BEST3: variants seen among roughly 807,000 people sequenced by gnomAD.
BEST3 encodes the protein bestrophin-3.
Under a neutral mutation model 47.1 loss-of-function variants are expected in BEST3, and 50 were observed. The ratio of observed to expected loss-of-function variants is 1.06; its 90% confidence interval spans 0.85 to 1.34. The LOEUF is 1.34. Among genes scored for constraint, BEST3 ranks in the 40% most tolerant of loss-of-function variants. BEST3 has a pLI of 0.00. For missense variants in BEST3, 765 were observed against 817.0 expected (o/e 0.94, Z 0.78); for synonymous variants, 282 against 298.8 (o/e 0.94, Z 0.58).
At chr12:69,650,423 G>T (rs147761226), downstream of BEST3, among the ~76,000 whole-genome samples, 226 of 152,312 alleles carry the variant, frequency 1.5e-3, 2 homozygotes, top group Non-Finnish European at 1.8e-3. Flanking sequence ...GGACCTATCT[G>T]ACATAGTTCA....
chr12:69,686,779 C>CGAAAAAAAAAAACCA (rs1555208517), intron 4 of BEST3, among the ~76,000 whole-genome samples: 2 of 99,382 alleles, frequency 2.0e-5, no homozygotes, highest in South Asian at 5.7e-4. Context: ...CTCAAAAAAA[C>CGAAAAAAAAAAACCA]AAAAAAAAAA....
intron 5 of BEST3, among the ~76,000 whole-genome samples, chr12:69,678,128 G>C (rs1170629706): frequency 6.6e-6 from 1 of 151,978 alleles, no homozygotes; most frequent in Non-Finnish European, 1.5e-5. Context: ...GGAAGACTAG[G>C]GAAAAGAGTT....
At chr12:69,643,826 C>A in intron 9 of BEST3, 2 of 695,424 alleles carry the variant, frequency 2.9e-6, no homozygotes, top group South Asian at 1.6e-5. Flanking sequence ...TCTTTTCTTT[C>A]TACACGTATA....
In BEST3 at chr12:69,673,087, G is replaced by C; in HGVS notation, c.868-122C>G. ...GTGACTTTCTAATACGAAGAGTAGAGGGGAGTAGATTGTTCTACCGAGATA... is the reference window on the plus strand; with the variant it reads ...GTGACTTTCTAATACGAAGAGTAGACGGGAGTAGATTGTTCTACCGAGATA... On this transcript the variant is annotated intron_variant, in intron 7 of 9. Coordinates refer to ENST00000330891, the MANE Select transcript of BEST3 (RefSeq NM_032735.3). The C allele has an allele frequency of 7.1e-6, 5 of 703,278 alleles. No homozygotes were observed. The East Asian group carries it at 1.3e-4, about 19-fold the overall frequency. 43.6% of individuals were successfully genotyped at this position (703,278 alleles called of 1,614,324 possible).
In BEST3 at chr12:69,655,742, A is replaced by T. The variant is rs1420164913; in HGVS notation, c.1172T>A (p.Met391Lys). 6.2e-7 allele frequency: 1 copy of T among 1,613,680 alleles called. No homozygotes were observed. The highest frequency in any genetic ancestry group is 8.5e-7 in the Non-Finnish European group (1 of 1,179,954). The change falls in exon 10 of 10, where the codon ATG becomes AAG. Residue 391 changes from methionine (M) to lysine (K), a missense_variant. Transcript: ENST00000330891. Reference protein sequence around the residue: ...DYEKHGHRHSMIRRVKRFLSA... With the variant: ...DYEKHGHRHSKIRRVKRFLSA... ...CAGGAACCGCTTGACTCTTCTTATC[A>T]TGGAATGCCGATGGCCATGCTTCTC...
chr12:69,691,416 T>C (rs1287155342), intron 4 of BEST3, among the ~76,000 whole-genome samples: 1 of 152,182 alleles, frequency 6.6e-6, no homozygotes, highest in Non-Finnish European at 1.5e-5. Context: ...CCTTACTCCG[T>C]GTTCTTAATC....
chr12:69,657,359 G>C (rs1034858188), intron 9 of BEST3, among the ~76,000 whole-genome samples: 1 of 152,084 alleles, frequency 6.6e-6, no homozygotes, highest in African/African-American at 2.4e-5. Flanking sequence ...CCCTCCCAAA[G>C]TGCTGGGATT....
intron 4 of BEST3, among the ~76,000 whole-genome samples, chr12:69,679,302 C>T (rs1223944814): frequency 3.9e-5 from 6 of 152,198 alleles, no homozygotes; most frequent in Non-Finnish European, 8.8e-5. Context: ...TGGCATAGTG[C>T]CGAACACATG....
At chr12:69,675,043 G>A (rs59663283) in intron 7 of BEST3, among the ~76,000 whole-genome samples, 47,378 of 150,682 alleles carry the variant, frequency 0.31, 8,618 homozygotes, top group South Asian at 0.54. Context: ...GATTACAGGC[G>A]TGTGCCACCA....
In BEST3 at chr12:69,655,698, AG is replaced by A. The variant is rs1565821267; in HGVS notation, c.1215del (p.Ser406ProfsTer79). 4 of 1,613,628 alleles carry A rather than the reference AG, an allele frequency of 2.5e-6. No homozygotes were observed. The highest frequency in any genetic ancestry group is 3.4e-6 in the Non-Finnish European group (4 of 1,179,914). ...VKRFLSAHEHPSSPRRRSYRR... is the reference protein window; with the variant it reads ...VKRFLSAHEHXSSPRRRSYRR... The stretch of plus-strand genomic sequence containing the variant: ...CTGTAGCTTCTTCTTCTGGGGCTGG[AG>A]GGGTGTTCGTGGGCACTCAGGAACC... On this transcript the variant is annotated frameshift_variant, in exon 10 of 10. Transcript: ENST00000330891. LOFTEE classifies it low-confidence loss of function (END_TRUNC).
At chr12:69,664,280 T>C (rs1884048401) in intron 9 of BEST3, among the ~76,000 whole-genome samples, 1 of 152,222 alleles carries the variant, frequency 6.6e-6, no homozygotes, top group Non-Finnish European at 1.5e-5. Context: ...AGATGAGCTC[T>C]GTTAAAGCTT....
chr12:69,695,620 A>G (rs543878469), intron 2 of BEST3, among the ~76,000 whole-genome samples: 1 of 152,340 alleles, frequency 6.6e-6, no homozygotes, highest in East Asian at 1.9e-4. Flanking sequence ...GACATGGTCA[A>G]AGAGGATTTA....
rs74435881 is a variant in BEST3 at position 69,654,067 on chromosome 12, C to T, written c.*840G>A. 8.8e-3 allele frequency: 8,629 copies of T among 985,402 alleles called. 43 individuals carry two copies. Among genetic ancestry groups the T allele is most frequent in the Middle Eastern group, 0.021 (40 of 1,914 alleles). The allele number at this position is 985,402 out of a possible 1,614,324, so 61.0% of individuals were successfully genotyped here. A position where few individuals can be genotyped will look rare whatever the true frequency, so the allele number is the denominator to read the frequency against. Reference sequence around the variant, plus strand: ...GGGAACCATCACTCCTATATGCCTTCCACTGGAAGTGAGACTGGAAGGGTA... The same window carrying T: ...GGGAACCATCACTCCTATATGCCTTTCACTGGAAGTGAGACTGGAAGGGTA... On this transcript the variant is annotated 3_prime_UTR_variant, in exon 10 of 10. Coordinates refer to ENST00000330891, the MANE Select transcript of BEST3 (RefSeq NM_032735.3).
chr12:69,686,078 A>T (rs1885561282), intron 4 of BEST3, among the ~76,000 whole-genome samples: 1 of 152,054 alleles, frequency 6.6e-6, no homozygotes, highest in African/African-American at 2.4e-5. Context: ...AACAGAGGAA[A>T]AACTGGCACA....
chr12:69,673,342 A>T (rs894942213), intron 7 of BEST3, among the ~76,000 whole-genome samples: 3 of 152,252 alleles, frequency 2.0e-5, no homozygotes, highest in African/African-American at 7.2e-5. Context: ...CAGGGCCCAG[A>T]TGATAAGACA....
intron 7 of BEST3, among the ~76,000 whole-genome samples, chr12:69,674,837 G>T (rs1884800256): frequency 6.7e-6 from 1 of 149,648 alleles, no homozygotes; most frequent in Non-Finnish European, 1.5e-5. Flanking sequence ...TATCCTAATT[G>T]TTGAGATAGA....
chr12:69,654,642 G>T lies in BEST3; in HGVS notation c.*265C>A. On this transcript the variant is annotated 3_prime_UTR_variant, in exon 10 of 10. Coordinates refer to ENST00000330891, the MANE Select transcript of BEST3 (RefSeq NM_032735.3). Reference sequence around the variant, plus strand: ...GTATGTTTTTCAGATTCCTTTTTTTGGTTAAGACTTATTTGGCTAAATCAC... The same window carrying T: ...GTATGTTTTTCAGATTCCTTTTTTTTGTTAAGACTTATTTGGCTAAATCAC... The T allele has an allele frequency of 1.7e-6, 2 of 1,190,046 alleles. No homozygotes were observed. Among genetic ancestry groups the T allele is most frequent in the Non-Finnish European group, 2.1e-6 (2 of 958,708 alleles). The allele number at this position is 1,190,046 out of a possible 1,614,324, so 73.7% of individuals were successfully genotyped here. A position where few individuals can be genotyped will look rare whatever the true frequency, so the allele number is the denominator to read the frequency against.
chr12:69,652,999 A>C (rs2060695678), downstream of BEST3, among the ~76,000 whole-genome samples: 1 of 152,336 alleles, frequency 6.6e-6, no homozygotes, highest in African/African-American at 2.4e-5. Flanking sequence ...CATTTCCTCT[A>C]ATATTATTTC....
At chr12:69,675,056 C>G (rs1239684084) in intron 7 of BEST3, among the ~76,000 whole-genome samples, 2 of 152,086 alleles carry the variant, frequency 1.3e-5, no homozygotes, top group Non-Finnish European at 2.9e-5. Context: ...TGCCACCACA[C>G]CCAGCAGGTT....
Sources: allele counts gnomAD v4.1 joint callset (sites outside exome capture counted in the v4.1 genomes callset), GRCh38; gene constraint gnomAD v4.1.1; transcripts MANE v1.5; gene names NCBI Gene and HGNC (gene_info 2026-07-23, HGNC 2026-07-21).